SEMA6A: variants seen among roughly 807,000 people sequenced by gnomAD.
The protein encoded by SEMA6A is semaphorin-6A.
Under a neutral mutation model 96.8 loss-of-function variants are expected in SEMA6A, and 25 were observed. That is an observed-to-expected ratio of 0.26 (90% confidence interval 0.19 to 0.36). The LOEUF is 0.36. SEMA6A is among the 10% of genes least tolerant of loss of function. The pLI is 1.00. For missense variants in SEMA6A, 1,363 were observed against 1,323.1 expected, an observed-to-expected ratio of 1.03 and a Z score of -0.47; for synonymous variants, 612 against 518.0, an observed-to-expected ratio of 1.18 and a Z score of -2.46.
chr5:116,489,398 A>G (rs563815126), intron 7 of SEMA6A, among the ~76,000 whole-genome samples: 1 of 152,184 alleles, frequency 6.6e-6, no homozygotes, highest in South Asian at 2.1e-4. Flanking sequence ...AGCCCAGGGA[A>G]AGATAGATGC....
intron 18 of SEMA6A, among the ~76,000 whole-genome samples, chr5:116,458,184 C>G (rs1393158073): frequency 1.3e-5 from 2 of 152,144 alleles, no homozygotes; most frequent in Non-Finnish European, 2.9e-5. Flanking sequence ...CCACATAATG[C>G]AAACTACTAA....
chr5:116,525,069 C>G (rs1249843810), intron 1 of SEMA6A, among the ~76,000 whole-genome samples: 1 of 152,190 alleles, frequency 6.6e-6, no homozygotes, highest in Non-Finnish European at 1.5e-5. Context: ...TTTATCTTCT[C>G]TGTGACTAAC....
At chr5:116,479,225 A>G (rs1171710068) in intron 12 of SEMA6A, among the ~76,000 whole-genome samples, 1 of 152,182 alleles carries the variant, frequency 6.6e-6, no homozygotes, top group East Asian at 1.9e-4. Context: ...TGGCACTACT[A>G]AAAACTGTAA....
At position 116,447,068 on chromosome 5, in the gene SEMA6A, T is replaced by C. The variant is rs1754265114; in HGVS notation, c.2638A>G (p.Lys880Glu). Reference sequence around the variant, plus strand: ...AGGGAGGCCTCCCGCTGTGGAACTTTGGGGGGCAGGCTGTCCAGGTTCTCC... The same window carrying C: ...AGGGAGGCCTCCCGCTGTGGAACTTCGGGGGGCAGGCTGTCCAGGTTCTCC... ...LVENLDSLPP[K>E]VPQREASLGP... Residue 880 changes from lysine to glutamate, a missense_variant, in exon 19 of 19, where the codon AAA (lysine) becomes GAA (glutamate). Lys to Glu is a moderately conservative substitution (Grantham distance 56). Transcript: ENST00000343348. The C allele has an allele frequency of 6.2e-7, 1 of 1,613,818 alleles. No individual in the cohort carries two copies. Among genetic ancestry groups the C allele is most frequent in the Non-Finnish European group, 8.5e-7 (1 of 1,179,838 alleles).
At chr5:116,571,514 C>A (rs1257079762) in intron 1 of SEMA6A, among the ~76,000 whole-genome samples, 4 of 152,138 alleles carry the variant, frequency 2.6e-5, no homozygotes, top group African/African-American at 9.7e-5. Flanking sequence ...ATTTGATGTT[C>A]GTTCTTTTCT....
chr5:116,500,784 C>G (rs1757839752), intron 3 of SEMA6A, among the ~76,000 whole-genome samples: 1 of 152,100 alleles, frequency 6.6e-6, no homozygotes, highest in Non-Finnish European at 1.5e-5. Flanking sequence ...GCGGGTGGAC[C>G]ACTTGAAGGT....
At chr5:116,468,027 G>A (rs1304001974) in intron 17 of SEMA6A, 1 of 393,686 alleles carries the variant, frequency 2.5e-6, no homozygotes, top group Non-Finnish European at 4.6e-6. Context: ...ACCTCTTCCT[G>A]TGCACCCAGT....
chr5:116,447,324 C>A lies in SEMA6A; in HGVS notation c.2382G>T (p.Met794Ile). The A allele has an allele frequency of 6.2e-7, 1 of 1,613,822 alleles. No homozygotes were observed. Among genetic ancestry groups the A allele is most frequent in the Non-Finnish European group, 8.5e-7 (1 of 1,179,894 alleles). ...GGTCCGTGGGAATCACAGGGGAGCCCATGGGGGGCATGTCCTTTGTGCAGG... is the reference window on the plus strand; with the variant it reads ...GGTCCGTGGGAATCACAGGGGAGCCAATGGGGGGCATGTCCTTTGTGCAGG... Reference protein sequence around the residue: ...INACTKDMPPMGSPVIPTDLP... With the variant: ...INACTKDMPPIGSPVIPTDLP... The change falls in exon 19 of 19, where the codon ATG becomes ATT. Residue 794 changes from methionine to isoleucine, a missense_variant. Physicochemically the swap from Met to Ile is conservative, Grantham distance 10. Around this residue, in one of 2 missense-constraint regions of SEMA6A, gnomAD observed 883 missense variants for 763.6 expected, o/e 1.16. Coordinates refer to ENST00000343348, the MANE Select transcript of SEMA6A (RefSeq NM_020796.5).
At chr5:116,504,726 C>T in intron 2 of SEMA6A, 119 bp downstream of exon 2, 1 of 724,140 alleles carries the variant, frequency 1.4e-6, no homozygotes, top group Non-Finnish European at 2.3e-6. Flanking sequence ...ACCTTTGCCA[C>T]ATACAGAGGA....
rs1458619637 is a variant in SEMA6A, at chr5:116,486,949, C to A, written c.762G>T (p.Val254=). ...NTMGKVVFPR[V]AQVCKNDMGG... is the part of the protein sequence containing the mutation. ...CCATATCATTCTTACAAACCTGAGC[C>A]ACTCTTGGGAAAACTACCTGCAGAG... is the stretch of plus-strand genomic sequence containing the variant. Residue 254 remains valine (V), a synonymous_variant, in exon 10 of 19, where the codon GTG becomes GTT. Transcript: ENST00000343348. 1.9e-6 allele frequency: 3 copies of A among 1,613,606 alleles called. No individual in the cohort carries two copies. The Admixed American group carries it at 5.0e-5, about 27-fold the overall frequency.
intron 5 of SEMA6A, 142 bp downstream of exon 5, chr5:116,496,109 C>T (rs1757587832): frequency 7.2e-6 from 5 of 695,292 alleles, no homozygotes; most frequent in Non-Finnish European, 9.8e-6. Context: ...AAATTAAAGC[C>T]TTCAGTAAGT....
intron 3 of SEMA6A, among the ~76,000 whole-genome samples, chr5:116,497,823 C>G (rs1757674687): frequency 6.6e-6 from 1 of 152,204 alleles, no homozygotes; most frequent in Non-Finnish European, 1.5e-5. Flanking sequence ...AAAAAATGAT[C>G]TCCATCGCCC....
chr5:116,561,974 A>G (rs1760834725), intron 1 of SEMA6A, among the ~76,000 whole-genome samples: 1 of 152,102 alleles, frequency 6.6e-6, no homozygotes, highest in Admixed American at 6.6e-5. Context: ...ATTTAAAAAA[A>G]AAAAGTATCC....
intron 1 of SEMA6A, among the ~76,000 whole-genome samples, chr5:116,518,585 A>C (rs538224738): frequency 6.6e-6 from 1 of 152,252 alleles, no homozygotes; most frequent in South Asian, 2.1e-4. Context: ...GAGGTGATAA[A>C]TCAGAGAGAA....
intron 1 of SEMA6A, among the ~76,000 whole-genome samples, chr5:116,543,293 G>A (rs1760053200): frequency 6.6e-6 from 1 of 152,194 alleles, no homozygotes. Flanking sequence ...TACCTGGCCT[G>A]TGAGCAAAGC....
chr5:116,453,729 AG>A (rs1050093875), intron 18 of SEMA6A, among the ~76,000 whole-genome samples: 1 of 152,220 alleles, frequency 6.6e-6, no homozygotes, highest in Non-Finnish European at 1.5e-5. Flanking sequence ...TTGGCTTCAA[AG>A]AGTCAGTATC....
intron 1 of SEMA6A, among the ~76,000 whole-genome samples, chr5:116,557,757 A>G (rs1561535750): frequency 6.6e-6 from 1 of 152,166 alleles, no homozygotes; most frequent in South Asian, 2.1e-4. Context: ...CTTTCAAACT[A>G]TGTATCATAA....
chr5:116,472,603 T>C (rs1756214581), intron 17 of SEMA6A: 2 of 344,070 alleles, frequency 5.8e-6, no homozygotes, highest in South Asian at 1.2e-4. Context: ...AAGCAATTTC[T>C]TCTCCCTCAA....
chr5:116,560,478 G>A (rs540713982), intron 1 of SEMA6A, among the ~76,000 whole-genome samples: 63 of 150,290 alleles, frequency 4.2e-4, no homozygotes, highest in African/African-American at 1.3e-3. Context: ...AGATCTAGTA[G>A]CCTGAACCAG....
Sources: gnomAD v4.1 joint callset for allele counts (sites outside exome capture counted in the v4.1 genomes callset) on GRCh38, gnomAD v4.1.1 for gene constraint, gnomAD v4.1.1 regional missense constraint, MANE v1.5 for transcripts, NCBI Gene and HGNC (gene_info 2026-07-23, HGNC 2026-07-21) for gene names.